Variants in NRG1 observed in about 807,000 individuals in gnomAD.
NRG1 encodes the protein neuregulin 1.
In NRG1, 18 loss-of-function variants were observed where a neutral mutation model predicts 63.8. The observed-to-expected ratio is 0.28, with a 90% confidence interval of 0.19 to 0.42. The LOEUF is 0.42. Ranked by LOEUF, NRG1 falls within the 10% of genes least tolerant of loss-of-function variation. The pLI is 1.00. For synonymous variants in NRG1, 302 were observed against 301.3 expected, an observed-to-expected ratio of 1.00 and a Z score of -0.02; for missense variants, 762 against 814.7, an observed-to-expected ratio of 0.94 and a Z score of 0.79.
At position 32,005,009 on chromosome 8, in the gene NRG1, T is replaced by C. The variant is rs56356312; in HGVS notation, c.37+365578T>C. On this transcript the variant is annotated intron_variant, in intron 1 of 10. Coordinates refer to the NRG1 transcript ENST00000519301. ...GAAGAAGAAAATTTGGTATGACCAATGAAAGGAAGAAAAGAAAAGAAGGAA... is the reference window on the plus strand; with the variant it reads ...GAAGAAGAAAATTTGGTATGACCAACGAAAGGAAGAAAAGAAAAGAAGGAA... 1.4e-3 allele frequency among the ~76,000 whole-genome samples: 177 copies of C among 130,042 alleles called. 1 individual carries two copies. Among genetic ancestry groups the C allele is most frequent in the African/African-American group, 4.9e-3 (170 of 34,736 alleles). The allele number at this position is 130,042 out of a possible 152,430, so 85.3% of individuals were successfully genotyped here.
Position 31,901,157 on chromosome 8 carries a change from G to A in NRG1, c.37+261726G>A, listed in dbSNP as rs935273853. On this transcript the variant is annotated intron_variant, in intron 1 of 10. Transcript: ENST00000519301. The stretch of plus-strand genomic sequence containing the variant: ...CATTTATAACTGAAAAAAGATGTTC[G>A]AATTTTGGGGTTTGTAAAAGAACTA... Among the ~76,000 whole-genome samples the A allele has an allele frequency of 5.9e-5, 9 of 152,046 alleles. No homozygotes were observed. In the South Asian group the frequency reaches 6.2e-4, roughly 11 times the overall value.
chr8:32,096,070 T>G (rs1414590732), intron 1 of NRG1, among the ~76,000 whole-genome samples: 1 of 152,092 alleles, frequency 6.6e-6, no homozygotes, highest in African/African-American at 2.4e-5. Context: ...AATGCTCAGG[T>G]GTGAATGATT....
intron 1 of NRG1, among the ~76,000 whole-genome samples, chr8:32,121,469 G>A (rs1833437251): frequency 1.3e-5 from 2 of 151,686 alleles, no homozygotes; most frequent in Admixed American, 6.6e-5. Context: ...CAATTTCCTG[G>A]TGTGTTCCAG....
chr8:32,289,248 C>A (rs1464744597), intron 1 of NRG1, among the ~76,000 whole-genome samples: 3 of 152,146 alleles, frequency 2.0e-5, no homozygotes, highest in Admixed American at 2.0e-4. Context: ...TTCCTGATTT[C>A]TGTTCTCTCA....
At chr8:32,277,343 T>C (rs1852218362) in intron 1 of NRG1, among the ~76,000 whole-genome samples, 1 of 152,176 alleles carries the variant, frequency 6.6e-6, no homozygotes, top group Non-Finnish European at 1.5e-5. Context: ...AAGGGAAAGA[T>C]ATTTTATTGT....
At chr8:32,225,125 A>G (rs945930873) in intron 1 of NRG1, among the ~76,000 whole-genome samples, 2 of 152,196 alleles carry the variant, frequency 1.3e-5, no homozygotes, top group Non-Finnish European at 2.9e-5. Context: ...CCACGGGAGC[A>G]TTGGAAATGA....
At chr8:32,756,659 T>C (rs1420560760) in intron 9 of NRG1, 130 bp downstream of exon 9, 23 of 1,302,680 alleles carry the variant, frequency 1.8e-5, no homozygotes, top group Non-Finnish European at 2.4e-5. Flanking sequence ...GGAATCCAGG[T>C]TTTTGCCAGG....
At chr8:31,699,576 C>T (rs1810425884) in intron 1 of NRG1, among the ~76,000 whole-genome samples, 1 of 152,166 alleles carries the variant, frequency 6.6e-6, no homozygotes, top group South Asian at 2.1e-4. Context: ...GGTGTTTGCA[C>T]TTCATGCCTG....
At chr8:32,234,942 G>A (rs1053062072) in intron 1 of NRG1, among the ~76,000 whole-genome samples, 1 of 151,712 alleles carries the variant, frequency 6.6e-6, no homozygotes, top group African/African-American at 2.4e-5. Context: ...TTCTTTCCAG[G>A]ACAAGTATGT....
intron 1 of NRG1, among the ~76,000 whole-genome samples, chr8:32,349,991 T>C (rs1192585718): frequency 6.6e-6 from 1 of 152,166 alleles, no homozygotes; most frequent in South Asian, 2.1e-4. Context: ...CAAATCTTTT[T>C]CCTCTCAGGT....
At chr8:32,510,272 G>A (rs1829021460) in intron 1 of NRG1, among the ~76,000 whole-genome samples, 1 of 151,746 alleles carries the variant, frequency 6.6e-6, no homozygotes, top group African/African-American at 2.4e-5. Context: ...TGAGGCAGAA[G>A]GACTGCTTGA....
intron 1 of NRG1, among the ~76,000 whole-genome samples, chr8:31,756,487 G>A (rs1816978422): frequency 6.6e-6 from 1 of 152,072 alleles, no homozygotes. Context: ...TTACATTAAT[G>A]ATGGACACTG....
chr8:31,761,310 G>C (rs892726633), intron 1 of NRG1, among the ~76,000 whole-genome samples: 3 of 152,080 alleles, frequency 2.0e-5, no homozygotes, highest in African/African-American at 7.2e-5. Context: ...TGTGGGGTGA[G>C]GGGAGTGGGG....
chr8:31,672,162 T>C (rs1807221265), intron 1 of NRG1, among the ~76,000 whole-genome samples: 1 of 152,098 alleles, frequency 6.6e-6, no homozygotes, highest in South Asian at 2.1e-4. Context: ...TAATTCACCA[T>C]AGTTGGGTAG....
At chr8:32,496,184 A>C (rs1454159902) in intron 1 of NRG1, among the ~76,000 whole-genome samples, 1 of 152,178 alleles carries the variant, frequency 6.6e-6, no homozygotes, top group Non-Finnish European at 1.5e-5. Flanking sequence ...TCTTGGTTTT[A>C]GCTCTTCCCC....
chr8:31,817,838 T>C (rs1586620041), intron 1 of NRG1, among the ~76,000 whole-genome samples: 1 of 152,244 alleles, frequency 6.6e-6, no homozygotes, highest in Admixed American at 6.5e-5. Context: ...AAATTTCTTT[T>C]GTAAGATATT....
intron 8 of NRG1, among the ~76,000 whole-genome samples, chr8:32,755,021 A>G (rs775483327): frequency 6.6e-6 from 1 of 152,160 alleles, no homozygotes; most frequent in Non-Finnish European, 1.5e-5. Context: ...TCTGAGTTAT[A>G]GTGATTATTA....
At chr8:31,772,697 C>A (rs1399994510) in intron 1 of NRG1, among the ~76,000 whole-genome samples, 1 of 152,136 alleles carries the variant, frequency 6.6e-6, no homozygotes, top group Non-Finnish European at 1.5e-5. Context: ...AAAATATTTT[C>A]TGCTTCCTTC....
intron 1 of NRG1, among the ~76,000 whole-genome samples, chr8:32,129,021 A>G (rs1227546952): frequency 6.6e-6 from 1 of 151,950 alleles, no homozygotes; most frequent in Non-Finnish European, 1.5e-5. Flanking sequence ...ATGGCCCTCT[A>G]TTAGCAGCCT....
Sources: allele counts gnomAD v4.1 joint callset (sites outside exome capture counted in the v4.1 genomes callset), GRCh38; gene constraint gnomAD v4.1.1; transcripts MANE v1.5; gene names NCBI Gene and HGNC (gene_info 2026-07-23, HGNC 2026-07-21).